HIBCH: variants seen among roughly 807,000 people sequenced by gnomAD.
HIBCH encodes 3-hydroxyisobutyryl-CoA hydrolase, also known as 3-hydroxyisobutyryl-CoA hydrolase, mitochondrial.
In HIBCH, 50 loss-of-function variants were observed where a neutral mutation model predicts 58.2. That is an observed-to-expected ratio of 0.86 (90% CI 0.68 to 1.09). The LOEUF (loss-of-function observed/expected upper bound fraction) is 1.09. Ranked by LOEUF, HIBCH falls within the 50% of genes least tolerant of loss-of-function variation. The pLI, the probability that HIBCH is intolerant of heterozygous loss-of-function variation, is 0.00. For missense variants in HIBCH, 450 were observed against 449.7 expected (o/e 1.00, Z -0.01); for synonymous variants, 151 against 146.9 (o/e 1.03, Z -0.20).
At position 190,290,396 on chromosome 2, in the gene HIBCH, T is replaced by C. The variant is rs1485270226; in HGVS notation, c.385+9A>G. 1 of 1,568,182 alleles carries C rather than the reference T, an allele frequency of 6.4e-7. No homozygotes were observed. On this transcript the variant is annotated intron_variant, in intron 5 of 13. Coordinates refer to ENST00000359678, the MANE Select transcript of HIBCH (RefSeq NM_014362.4). ...TCCATTTCCAAAGCTCTGAGCAGAA[T>C]ACACATACCAACAGCATTATTCAGC... is the stretch of plus-strand genomic sequence containing the variant.
chr2:190,291,021 A>T (rs922144181), intron 4 of HIBCH, among the ~76,000 whole-genome samples: 4 of 152,188 alleles, frequency 2.6e-5, no homozygotes, highest in African/African-American at 9.7e-5. Flanking sequence ...CTTAAAAAAA[A>T]TAATAATATA....
At position 190,315,253 on chromosome 2, in the gene HIBCH, C is replaced by T. The variant is rs148103592; in HGVS notation, c.36-4457G>A. Among the ~76,000 whole-genome samples the T allele has an allele frequency of 6.6e-6, 1 of 152,258 alleles. No individual in the cohort carries two copies. The highest frequency in any genetic ancestry group is 1.9e-4 in the East Asian group (1 of 5,192). On this transcript the variant is annotated intron_variant, in intron 1 of 13. Transcript: ENST00000359678. This position sits in a 1 kb window ranked among gnomAD's most constrained non-coding sequence, Gnocchi z 5.4. ...GGCATGAGCCACTGTGCCCGGCCTG[C>T]TACTTCTAATTTCTTAATTAACTTT...
chr2:190,251,635 T>C lies in HIBCH; in HGVS notation c.663+527A>G, dbSNP rs940365913. On this transcript the variant is annotated intron_variant, in intron 8 of 13. Transcript: ENST00000359678. Reference sequence around the variant, plus strand: ...AAACTCAAACTATCTATATATTCTTTTCCACTATGTTATCCTGTGCTGAGA... The same window carrying C: ...AAACTCAAACTATCTATATATTCTTCTCCACTATGTTATCCTGTGCTGAGA... 1.3e-5 allele frequency: 5 copies of C among 371,682 alleles called. No individual in the cohort carries two copies. In the Admixed American group the frequency reaches 1.4e-4, roughly 10 times the overall value. 23.0% of individuals were successfully genotyped at this position (371,682 alleles called of 1,614,324 possible). A position where few individuals can be genotyped will look rare whatever the true frequency, so the allele number is the denominator to read the frequency against.
intron 2 of HIBCH, among the ~76,000 whole-genome samples, chr2:190,303,282 CA>C (rs767913263): frequency 6.6e-6 from 1 of 152,122 alleles, no homozygotes; most frequent in Non-Finnish European, 1.5e-5. Flanking sequence ...CACTCAGCAG[CA>C]AAGAGCACTC....
intron 1 of HIBCH, among the ~76,000 whole-genome samples, chr2:190,316,879 G>T (rs1426486290): frequency 6.6e-6 from 1 of 152,160 alleles, no homozygotes; most frequent in Admixed American, 6.5e-5. Context: ...GATGGAAAAG[G>T]CAATGAGGCC....
At chr2:190,193,276 G>A (rs1689803805) in intron 1 of HIBCH, among the ~76,000 whole-genome samples, 1 of 151,784 alleles carries the variant, frequency 6.6e-6, no homozygotes, top group Non-Finnish European at 1.5e-5. Flanking sequence ...GAATATCCTT[G>A]AATTTCTGGT....
intron 6 of HIBCH, among the ~76,000 whole-genome samples, chr2:190,285,322 T>C (rs1367662248): frequency 6.6e-6 from 1 of 152,226 alleles, no homozygotes; most frequent in Non-Finnish European, 1.5e-5. Flanking sequence ...TTGTCTTCAT[T>C]TTTTCCTGGT....
At chr2:190,316,632 C>T (rs1575770636) in intron 1 of HIBCH, among the ~76,000 whole-genome samples, 1 of 152,160 alleles carries the variant, frequency 6.6e-6, no homozygotes, top group Admixed American at 6.5e-5. Flanking sequence ...AAGCTGCCTC[C>T]TCTCTAGAGC....
chr2:190,319,692 T>G (rs1688796768), intron 1 of HIBCH, 24 bp downstream of exon 1: 7 of 1,593,036 alleles, frequency 4.4e-6, no homozygotes, highest in Middle Eastern at 1.7e-4. Context: ...GAGCCTGCCC[T>G]TGGCCCCTCG....
intron 6 of HIBCH, among the ~76,000 whole-genome samples, chr2:190,286,596 C>T (rs1415619861): frequency 6.6e-6 from 1 of 152,158 alleles, no homozygotes; most frequent in Non-Finnish European, 1.5e-5. Context: ...AATTCTGACC[C>T]CTCACTTCTT....
rs767010165 is a variant in HIBCH at position 190,208,800 on chromosome 2, A to C, written c.1045+80T>G. 5 of 1,278,374 alleles carry C rather than the reference A, an allele frequency of 3.9e-6. No individual in the cohort carries two copies. In the Admixed American group the frequency reaches 8.7e-5, roughly 22 times the overall value. 79.2% of individuals were successfully genotyped at this position (1,278,374 alleles called of 1,614,324 possible). ...TTGGATTTTAGGATTTGGGATGCATAATCTGTATCTTCTTTAATTAACAGC... is the reference window on the plus strand; with the variant it reads ...TTGGATTTTAGGATTTGGGATGCATCATCTGTATCTTCTTTAATTAACAGC... On this transcript the variant is annotated intron_variant, in intron 13 of 13. Coordinates refer to ENST00000359678, the MANE Select transcript of HIBCH (RefSeq NM_014362.4).
chr2:190,226,420 A>T lies in HIBCH; in HGVS notation c.892-13345T>A, dbSNP rs547674506. The stretch of plus-strand genomic sequence containing the variant: ...AGACCAGCCTGACCAACATGGAGAA[A>T]CACCATCTCTACTAAAAATACAAAA... On this transcript the variant is annotated intron_variant, in intron 11 of 13. Transcript: ENST00000359678. 3.3e-5 allele frequency among the ~76,000 whole-genome samples: 5 copies of T among 152,236 alleles called. No individual in the cohort carries two copies. In the South Asian group the frequency reaches 1.0e-3, roughly 32 times the overall value.
At position 190,289,901 on chromosome 2, in the gene HIBCH, G is replaced by A. The variant is rs568606913; in HGVS notation, c.385+504C>T. On this transcript the variant is annotated intron_variant, in intron 5 of 13. Coordinates refer to ENST00000359678, the MANE Select transcript of HIBCH (RefSeq NM_014362.4). ...TTTCATATTGATTTATTTTTGAGAC[G>A]GAGTCTCGCTTTGTTGCCCAGGCTG... 2.8e-4 allele frequency among the ~76,000 whole-genome samples: 42 copies of A among 152,140 alleles called. No homozygotes were observed. The South Asian group carries it at 4.4e-3, about 16-fold the overall frequency.
At chr2:190,287,966 G>A (rs1435669053) in intron 5 of HIBCH, among the ~76,000 whole-genome samples, 1 of 151,982 alleles carries the variant, frequency 6.6e-6, no homozygotes, top group African/African-American at 2.4e-5. Context: ...AGACCAGCCT[G>A]AGCAATACAG....
intron 2 of HIBCH, 106 bp from the exon 3 acceptor site, chr2:190,297,059 TAAAGG>T (rs1345530166): frequency 2.7e-5 from 28 of 1,031,682 alleles, no homozygotes; most frequent in Non-Finnish European, 3.7e-5. Context: ...TAATGGTAAC[TAAAGG>T]AAAGAATAAC....
chr2:190,232,593 TG>T (rs1458260990), intron 11 of HIBCH, among the ~76,000 whole-genome samples: 1 of 152,230 alleles, frequency 6.6e-6, no homozygotes, highest in Non-Finnish European at 1.5e-5. Flanking sequence ...TGTATTCTTT[TG>T]CTACAAGAGT....
intron 6 of HIBCH, among the ~76,000 whole-genome samples, chr2:190,277,922 T>C (rs992072421): frequency 6.6e-6 from 1 of 152,234 alleles, no homozygotes; most frequent in African/African-American, 2.4e-5. Flanking sequence ...GAATTGTTCT[T>C]TGCTCAGATA....
chr2:190,231,761 GAGA>G (rs1159921179), intron 11 of HIBCH, among the ~76,000 whole-genome samples: 3 of 151,922 alleles, frequency 2.0e-5, no homozygotes, highest in African/African-American at 4.8e-5. Flanking sequence ...AGAAGAAAAG[GAGA>G]AGAAGGAATA....
At chr2:190,310,362 A>G (rs1454561352) in intron 2 of HIBCH, among the ~76,000 whole-genome samples, 1 of 152,188 alleles carries the variant, frequency 6.6e-6, no homozygotes, top group Admixed American at 6.5e-5. Context: ...TCATATATAC[A>G]TATGTCCTAT....
Sources: allele counts gnomAD v4.1 joint callset (sites outside exome capture counted in the v4.1 genomes callset), GRCh38; gene constraint gnomAD v4.1.1; non-coding constraint Gnocchi (gnomAD v3.1); transcripts MANE v1.5; gene names NCBI Gene and HGNC (gene_info 2026-07-23, HGNC 2026-07-21).